The following RALYL variants were observed in gnomAD, a reference collection of about 807,000 sequenced individuals.
RALYL encodes the protein RNA-binding Raly-like protein.
RALYL carries 29 observed loss-of-function variants against 35.1 expected under a neutral mutation model. That is an observed-to-expected ratio of 0.83 (90% CI 0.61 to 1.13). The LOEUF is 1.13. Among genes scored for constraint, RALYL ranks in the 50% most tolerant of loss-of-function variants. RALYL has a pLI of 0.00. For synonymous variants in RALYL, 120 were observed against 127.6 expected (o/e 0.94, Z 0.40); for missense variants, 359 against 360.4 (o/e 1.00, Z 0.03).
intron 1 of RALYL, among the ~76,000 whole-genome samples, chr8:84,415,204 C>CTT (rs113847064): frequency 0.51 from 65,362 of 128,862 alleles, 16,363 homozygotes; most frequent in South Asian, 0.62. Context: ...TGCAGACACT[C>CTT]GTTTTTTTTT....
chr8:84,759,187 C>T lies in RALYL; in HGVS notation c.257-15392C>T, dbSNP rs546169420. Among the ~76,000 whole-genome samples the T allele has an allele frequency of 1.1e-3, 174 of 152,236 alleles. 1 individual carries two copies. The highest frequency in any genetic ancestry group is 3.2e-3 in the African/African-American group (131 of 41,548). On this transcript the variant is annotated intron_variant, in intron 2 of 8. Transcript: ENST00000521268. ...GTACCCAGATTATCCAGGTAAATCT[C>T]CCTATTTTAAAGTCAATTTAATTTC...
At chr8:84,484,659 A>T (rs1431844502) in intron 1 of RALYL, among the ~76,000 whole-genome samples, 1 of 152,186 alleles carries the variant, frequency 6.6e-6, no homozygotes, top group Non-Finnish European at 1.5e-5. Context: ...TATTTTTGTT[A>T]ACTTTACATA....
chr8:84,709,973 A>T (rs1841893703), intron 2 of RALYL, among the ~76,000 whole-genome samples: 1 of 152,078 alleles, frequency 6.6e-6, no homozygotes. Flanking sequence ...AGGCACAATA[A>T]TCGCTTGAAC....
chr8:84,628,229 C>T (rs1823175544), intron 2 of RALYL, among the ~76,000 whole-genome samples: 1 of 151,906 alleles, frequency 6.6e-6, no homozygotes, highest in Admixed American at 6.6e-5. Context: ...ACTTCTCAGC[C>T]CATGAATATT....
intron 1 of RALYL, among the ~76,000 whole-genome samples, chr8:84,227,901 A>G (rs2131387983): frequency 6.6e-6 from 1 of 152,312 alleles, no homozygotes; most frequent in South Asian, 2.1e-4. Flanking sequence ...TTTACCAAAT[A>G]TTGATCAAAA....
chr8:84,899,024 A>G (rs1845227276), intron 8 of RALYL, among the ~76,000 whole-genome samples: 1 of 152,038 alleles, frequency 6.6e-6, no homozygotes, highest in South Asian at 2.1e-4. Flanking sequence ...TTGTATGGGG[A>G]TGGATGAGTG....
intron 1 of RALYL, among the ~76,000 whole-genome samples, chr8:84,439,132 G>A (rs1020647309): frequency 3.9e-5 from 6 of 151,936 alleles, no homozygotes; most frequent in African/African-American, 1.4e-4. Flanking sequence ...AATGATGTTG[G>A]TAGTTTGACA....
At chr8:84,473,760 C>T (rs2053068406) in intron 1 of RALYL, among the ~76,000 whole-genome samples, 1 of 151,682 alleles carries the variant, frequency 6.6e-6, no homozygotes, top group South Asian at 2.1e-4. Flanking sequence ...CACTATGTCA[C>T]TTAATAGTGT....
intron 2 of RALYL, among the ~76,000 whole-genome samples, chr8:84,751,841 G>A (rs1005399791): frequency 8.6e-5 from 13 of 152,014 alleles, no homozygotes; most frequent in African/African-American, 3.1e-4. Flanking sequence ...GTGGAACCAT[G>A]AGCCAATTAA....
chr8:84,199,126 T>C (rs1816196034), intron 1 of RALYL, among the ~76,000 whole-genome samples: 1 of 152,132 alleles, frequency 6.6e-6, no homozygotes, highest in Admixed American at 6.5e-5. Context: ...TATACAAGGG[T>C]TCCCTTTTCT....
intron 1 of RALYL, among the ~76,000 whole-genome samples, chr8:84,213,697 A>G (rs1410029156): frequency 1.3e-5 from 2 of 152,208 alleles, no homozygotes; most frequent in East Asian, 3.8e-4. Context: ...CCACTTTGAA[A>G]ACAAATCCCT....
intron 3 of RALYL, among the ~76,000 whole-genome samples, chr8:84,791,239 C>T (rs1158776650): frequency 6.6e-6 from 1 of 152,070 alleles, no homozygotes; most frequent in East Asian, 1.9e-4. Flanking sequence ...GGGTGATGAG[C>T]AGGCAAAGTG....
At position 84,774,584 on chromosome 8, in the gene RALYL, A is replaced by T. The variant is rs1349050524; in HGVS notation, c.262A>T (p.Asn88Tyr). ...RVIAGQPLDI[N>Y]MAGEPKPYRP... ...GTTTTATTTTATGCTTTCAGATATC[A>T]ACATGGCAGGAGAGCCCAAACCATA... Residue 88 changes from asparagine (N) to tyrosine (Y), a missense_variant, in exon 3 of 9, where the codon AAC becomes TAC. Transcript: ENST00000521268. 6.2e-7 allele frequency: 1 copy of T among 1,603,134 alleles called. No individual in the cohort carries two copies. Among genetic ancestry groups the T allele is most frequent in the Non-Finnish European group, 8.5e-7 (1 of 1,173,382 alleles).
intron 1 of RALYL, among the ~76,000 whole-genome samples, chr8:84,269,422 T>C (rs1166516114): frequency 6.6e-6 from 1 of 152,174 alleles, no homozygotes; most frequent in Non-Finnish European, 1.5e-5. Context: ...AGGTAGAATT[T>C]TTATCTTGTG....
intron 2 of RALYL, among the ~76,000 whole-genome samples, chr8:84,714,514 TAATC>T (rs1053825860): frequency 1.6e-4 from 25 of 151,544 alleles, no homozygotes; most frequent in Admixed American, 7.2e-4. Flanking sequence ...TAATTTTTAT[TAATC>T]AATAAACTAA....
rs1034032995 is a variant in RALYL at position 84,466,898 on chromosome 8, C to G, written c.-23-62401C>G. The stretch of plus-strand genomic sequence containing the variant: ...GAGTGTATGTGTCGAGGAATTTATC[C>G]ATTTCTTCTAGATTTTCTAGTTTAT... On this transcript the variant is annotated intron_variant, in intron 1 of 8. Transcript: ENST00000521268. 1.4e-4 allele frequency among the ~76,000 whole-genome samples: 21 copies of G among 151,634 alleles called. 2 individuals carry two copies. In the South Asian group the frequency reaches 4.2e-3, roughly 30 times the overall value.
chr8:84,415,845 C>T (rs1332050306), intron 1 of RALYL, among the ~76,000 whole-genome samples: 1 of 152,136 alleles, frequency 6.6e-6, no homozygotes, highest in Non-Finnish European at 1.5e-5. Flanking sequence ...TGCACTGATT[C>T]TCTAATATTA....
At chr8:84,427,543 TA>T (rs942649558) in intron 1 of RALYL, among the ~76,000 whole-genome samples, 4 of 151,582 alleles carry the variant, frequency 2.6e-5, no homozygotes, top group African/African-American at 4.8e-5. Flanking sequence ...TGTATGCATT[TA>T]AAAAAAAACC....
At chr8:84,735,589 C>G (rs1363623030) in intron 2 of RALYL, among the ~76,000 whole-genome samples, 3 of 151,886 alleles carry the variant, frequency 2.0e-5, no homozygotes, top group African/African-American at 7.3e-5. Context: ...GACAAATGTT[C>G]CATTTCCTTT....
Sources: allele counts gnomAD v4.1 joint callset (sites outside exome capture counted in the v4.1 genomes callset), GRCh38; gene constraint gnomAD v4.1.1; transcripts MANE v1.5; gene names NCBI Gene and HGNC (gene_info 2026-07-23, HGNC 2026-07-21).